The following NRG1 variants were observed in gnomAD, a reference collection of about 807,000 sequenced individuals.
NRG1 encodes pro-neuregulin-1, membrane-bound isoform.
A neutral mutation model predicts 63.8 loss-of-function variants in NRG1; 18 were observed. That is an observed-to-expected ratio of 0.28 (90% CI 0.19 to 0.42). The LOEUF is 0.42. Among genes scored for constraint, NRG1 ranks in the 10% least tolerant of loss-of-function variants. The probability of loss-of-function intolerance (pLI) is 1.00; values close to 1 mark genes in which losing one functional copy is unlikely to be tolerated. For missense variants in NRG1, 762 were observed against 814.7 expected (o/e 0.94, Z 0.79); for synonymous variants, 302 against 301.3 (o/e 1.00, Z -0.02).
At chr8:32,017,610 C>T (rs187179916) in intron 1 of NRG1, among the ~76,000 whole-genome samples, 1 of 152,282 alleles carries the variant, frequency 6.6e-6, no homozygotes, top group East Asian at 1.9e-4. Flanking sequence ...ATCAGGGTTC[C>T]CATGACCCCT....
At chr8:32,721,900 T>C in intron 5 of NRG1, 1 of 1,449,152 alleles carries the variant, frequency 6.9e-7, no homozygotes, top group Middle Eastern at 1.9e-4. Flanking sequence ...TTTTCCCCAG[T>C]AGGAGTTCAG....
intron 1 of NRG1, among the ~76,000 whole-genome samples, chr8:31,930,696 C>T (rs536539782): frequency 8.0e-4 from 122 of 152,216 alleles, no homozygotes; most frequent in Non-Finnish European, 7.9e-4. Context: ...TGCTATGTAA[C>T]CTTTTATAAT....
chr8:32,740,492 C>T (rs1826068908), intron 6 of NRG1, among the ~76,000 whole-genome samples: 2 of 152,214 alleles, frequency 1.3e-5, no homozygotes, highest in African/African-American at 4.8e-5. Flanking sequence ...CCACTGCGCC[C>T]GGCCAAGCTT....
In NRG1 at chr8:32,141,965, G is replaced by A. The variant is rs11990918; in HGVS notation, c.38-453863G>A. On this transcript the variant is annotated intron_variant, in intron 1 of 10. Transcript: ENST00000519301. Reference sequence around the variant, plus strand: ...AGTTTTGCTAGTAATCTTCAGCTCCGTGGGAAGCCTTTGGACTCTGTTGCT... The same window carrying A: ...AGTTTTGCTAGTAATCTTCAGCTCCATGGGAAGCCTTTGGACTCTGTTGCT... 6.8e-3 allele frequency among the ~76,000 whole-genome samples: 1,034 copies of A among 152,136 alleles called. 3 individuals carry two copies. The highest frequency in any genetic ancestry group is 0.011 in the Non-Finnish European group (744 of 68,014).
At chr8:32,106,047 A>C (rs2131398910) in intron 1 of NRG1, among the ~76,000 whole-genome samples, 1 of 152,314 alleles carries the variant, frequency 6.6e-6, no homozygotes, top group South Asian at 2.1e-4. Flanking sequence ...AGGATACAGA[A>C]TTATATGAAG....
At chr8:31,736,387 A>G (rs1046486819) in intron 1 of NRG1, among the ~76,000 whole-genome samples, 4 of 152,136 alleles carry the variant, frequency 2.6e-5, no homozygotes, top group African/African-American at 9.7e-5. Context: ...GGCAGTCTGG[A>G]CATTCTTACC....
chr8:32,676,894 T>G (rs887790607), intron 5 of NRG1, among the ~76,000 whole-genome samples: 7 of 152,174 alleles, frequency 4.6e-5, no homozygotes, highest in Admixed American at 6.6e-5. Flanking sequence ...GAGATTTATG[T>G]CACTATTCAA....
At chr8:32,105,107 C>T (rs1831090029) in intron 1 of NRG1, among the ~76,000 whole-genome samples, 1 of 152,090 alleles carries the variant, frequency 6.6e-6, no homozygotes. Flanking sequence ...ACCGCAGACA[C>T]ATGAGTAATA....
In NRG1 at chr8:32,374,366, T is replaced by C. The variant is rs529527712; in HGVS notation, c.38-221462T>C. 3.3e-5 allele frequency among the ~76,000 whole-genome samples: 5 copies of C among 152,274 alleles called. No homozygotes were observed. The East Asian group carries it at 9.7e-4, about 29-fold the overall frequency. On this transcript the variant is annotated intron_variant, in intron 1 of 10. Coordinates refer to the NRG1 transcript ENST00000519301. ...ACAATGTGGTTCTACATTAACCACATTACATCATAAAGAGATCATTAAATG... is the reference window on the plus strand; with the variant it reads ...ACAATGTGGTTCTACATTAACCACACTACATCATAAAGAGATCATTAAATG...
chr8:31,920,891 GA>G (rs1833850295), intron 1 of NRG1, among the ~76,000 whole-genome samples: 2 of 74,150 alleles, frequency 2.7e-5, no homozygotes, highest in Non-Finnish European at 5.6e-5. Flanking sequence ...TAGGTAGATA[GA>G]TAGATAGATA....
chr8:32,172,646 G>C lies in NRG1; in HGVS notation c.38-423182G>C, dbSNP rs533246344. 7.9e-5 allele frequency among the ~76,000 whole-genome samples: 12 copies of C among 152,310 alleles called. No individual in the cohort carries two copies. In the South Asian group the frequency reaches 2.3e-3, roughly 29 times the overall value. Reference sequence around the variant, plus strand: ...TAACCAATGCAGAGATGTCCTTAAAGGACCTGATGGAGCTGAAAACCAAGG... The same window carrying C: ...TAACCAATGCAGAGATGTCCTTAAACGACCTGATGGAGCTGAAAACCAAGG... On this transcript the variant is annotated intron_variant, in intron 1 of 10. Transcript: ENST00000519301.
At chr8:31,792,138 T>A (rs1327189800) in intron 1 of NRG1, among the ~76,000 whole-genome samples, 1 of 152,204 alleles carries the variant, frequency 6.6e-6, no homozygotes, top group African/African-American at 2.4e-5. Flanking sequence ...CTCATCCTTG[T>A]CACCTCTTAT....
At chr8:31,730,825 G>A (rs1316743058) in intron 1 of NRG1, among the ~76,000 whole-genome samples, 1 of 151,910 alleles carries the variant, frequency 6.6e-6, no homozygotes, top group Non-Finnish European at 1.5e-5. Context: ...GTCAATATAA[G>A]TAAAATTAAA....
chr8:32,097,307 G>T (rs1830022224), intron 1 of NRG1, among the ~76,000 whole-genome samples: 1 of 152,128 alleles, frequency 6.6e-6, no homozygotes, highest in South Asian at 2.1e-4. Context: ...AATAAACATA[G>T]GTGTGAAGTT....
chr8:31,741,711 C>A (rs1815294634), intron 1 of NRG1, among the ~76,000 whole-genome samples: 1 of 151,890 alleles, frequency 6.6e-6, no homozygotes, highest in Non-Finnish European at 1.5e-5. Flanking sequence ...GAAATTATGA[C>A]AATAAGTTTT....
intron 1 of NRG1, among the ~76,000 whole-genome samples, chr8:32,402,204 C>T (rs370959092): frequency 1.3e-5 from 2 of 152,118 alleles, no homozygotes; most frequent in Non-Finnish European, 2.9e-5. Flanking sequence ...TGAGCCACCA[C>T]GCCTGGCCTA....
chr8:32,058,172 CTT>C (rs1823270147), intron 1 of NRG1, among the ~76,000 whole-genome samples: 1 of 151,946 alleles, frequency 6.6e-6, no homozygotes, highest in African/African-American at 2.4e-5. Flanking sequence ...AAGGACCATA[CTT>C]AAACTTGATT....
rs568727681 is a variant in NRG1, at chr8:31,910,061, A to G, written c.37+270630A>G. Among the ~76,000 whole-genome samples, 597 of 152,360 alleles carry G rather than the reference A, an allele frequency of 3.9e-3. 5 individuals carry two copies. The highest frequency in any genetic ancestry group is 0.013 in the African/African-American group (556 of 41,596). On this transcript the variant is annotated intron_variant, in intron 1 of 10. Coordinates refer to the NRG1 transcript ENST00000519301. The stretch of plus-strand genomic sequence containing the variant: ...TGTGATAACTGTAAGAAAGAAACAG[A>G]GTGCCCTGATAAAAATTAAGTACGC...
intron 1 of NRG1, among the ~76,000 whole-genome samples, chr8:32,523,743 G>A (rs1830551450): frequency 6.6e-6 from 1 of 152,080 alleles, no homozygotes; most frequent in African/African-American, 2.4e-5. Flanking sequence ...CCAGCTACTT[G>A]AGAGGCTGAG....
Sources: gnomAD v4.1 joint callset for allele counts (sites outside exome capture counted in the v4.1 genomes callset) on GRCh38, gnomAD v4.1.1 for gene constraint, MANE v1.5 for transcripts, NCBI Gene and HGNC (gene_info 2026-07-23, HGNC 2026-07-21) for gene names.